RAD50: variants seen among roughly 807,000 people sequenced by gnomAD.
RAD50 encodes DNA repair protein RAD50.
Under a neutral mutation model 168.8 loss-of-function variants are expected in RAD50, and 132 were observed. That is an observed-to-expected ratio of 0.78 (90% CI 0.68 to 0.90). RAD50 has a LOEUF of 0.90. Among genes scored for constraint, RAD50 ranks in the 40% least tolerant of loss-of-function variants. RAD50 has a pLI of 0.00. For missense variants in RAD50, 1,347 were observed against 1,534.4 expected, an observed-to-expected ratio of 0.88 and a Z score of 2.04; for synonymous variants, 525 against 497.4, an observed-to-expected ratio of 1.06 and a Z score of -0.74.
intron 21 of RAD50, among the ~76,000 whole-genome samples, chr5:132,631,423 C>G (rs188166992): frequency 1.3e-5 from 2 of 152,054 alleles, no homozygotes; most frequent in Admixed American, 1.3e-4. Flanking sequence ...CCTGGCCTCT[C>G]ACTTTAAGAG....
At chr5:132,618,014 T>C in intron 20 of RAD50, 56 bp from the exon 21 acceptor site, 1 of 1,399,992 alleles carries the variant, frequency 7.1e-7, no homozygotes, top group Non-Finnish European at 1.0e-6. Flanking sequence ...ACTTTTCCAC[T>C]TCAGGTTGTT....
rs749596108 is a variant in RAD50 at position 132,640,623 on chromosome 5, G to A, written c.3619-49G>A. The A allele has an allele frequency of 1.9e-6, 3 of 1,613,130 alleles. No homozygotes were observed. In the African/African-American group the frequency reaches 4.0e-5, roughly 22 times the overall value. ...CATGTCAGGACTGCTTGCCTGCCAT[G>A]AGATGAGAAGGTCTGTGCTGGGCTT... On this transcript the variant is annotated intron_variant, in intron 23 of 24. Transcript: ENST00000378823.
Position 132,588,887 on chromosome 5 carries a change from A to G in RAD50, c.1245+7A>G, listed in dbSNP as rs2149841211. On this transcript the variant is annotated splice_region_variant and intron_variant, in intron 8 of 24. Transcript: ENST00000378823. Reference sequence around the variant, plus strand: ...AACTGCCAACCAACTGATGGCAAGTATTTTGAAATACAGTATTTGTTATTT... The same window carrying G: ...AACTGCCAACCAACTGATGGCAAGTGTTTTGAAATACAGTATTTGTTATTT... The G allele has an allele frequency of 2.5e-6, 4 of 1,603,156 alleles. No individual in the cohort carries two copies. Among genetic ancestry groups the G allele is most frequent in the Non-Finnish European group, 2.6e-6 (3 of 1,170,542 alleles).
chr5:132,619,609 C>G (rs954471536), intron 21 of RAD50, among the ~76,000 whole-genome samples: 1 of 151,946 alleles, frequency 6.6e-6, no homozygotes, highest in Admixed American at 6.6e-5. Flanking sequence ...TTTATCTCTT[C>G]TGCATTTCAA....
chr5:132,567,398 G>T (rs1750227342), intron 2 of RAD50, among the ~76,000 whole-genome samples: 1 of 152,168 alleles, frequency 6.6e-6, no homozygotes, highest in Admixed American at 6.5e-5. Context: ...TTCTACCTGG[G>T]AACACTTTGT....
chr5:132,594,442 G>A (rs938932480), intron 11 of RAD50, among the ~76,000 whole-genome samples: 1 of 152,144 alleles, frequency 6.6e-6, no homozygotes, highest in Admixed American at 6.5e-5. Flanking sequence ...GTGGATGACA[G>A]CAACAAGGAG....
In RAD50 at chr5:132,579,935, G is replaced by A. The variant is rs587780158; in HGVS notation, c.625G>A (p.Glu209Lys). The change falls in exon 5 of 25, where the codon GAA becomes AAA. Residue 209 changes from glutamate to lysine, a missense_variant. Coordinates refer to ENST00000378823, the MANE Select transcript of RAD50 (RefSeq NM_005732.4). ...QGQKVKEYQM[E>K]LKYLKQYKEK... Reference sequence around the variant, plus strand: ...TCAGAAAGTAAAAGAATATCAAATGGAACTAAAATATCTGAAGCAATATAA... The same window carrying A: ...TCAGAAAGTAAAAGAATATCAAATGAAACTAAAATATCTGAAGCAATATAA... The A allele has an allele frequency of 1.2e-6, 2 of 1,612,088 alleles. No homozygotes were observed. The highest frequency in any genetic ancestry group is 1.1e-5 in the South Asian group (1 of 91,014).
chr5:132,612,878 C>A (rs994654424), intron 19 of RAD50, among the ~76,000 whole-genome samples: 1 of 151,998 alleles, frequency 6.6e-6, no homozygotes, highest in Admixed American at 6.6e-5. Context: ...ACCAGTAAAT[C>A]AGAATCTTGG....
chr5:132,642,654 A>G lies in RAD50; in HGVS notation c.*290A>G, dbSNP rs374926679. The G allele has an allele frequency of 1.2e-5, 6 of 482,174 alleles. No homozygotes were observed. Among genetic ancestry groups the G allele is most frequent in the African/African-American group, 1.2e-4 (6 of 52,122 alleles). 29.9% of individuals were successfully genotyped at this position (482,174 alleles called of 1,614,324 possible). A position where few individuals can be genotyped will look rare whatever the true frequency, so the allele number is the denominator to read the frequency against. ...GACTCGACTCTGTGCCTCCCTCCCC[A>G]GTGCAAATGCATGCTTCTTCTCAAA... On this transcript the variant is annotated 3_prime_UTR_variant, in exon 25 of 25. Coordinates refer to ENST00000378823, the MANE Select transcript of RAD50 (RefSeq NM_005732.4).
At chr5:132,623,104 A>C (rs1751311323) in intron 21 of RAD50, among the ~76,000 whole-genome samples, 1 of 152,134 alleles carries the variant, frequency 6.6e-6, no homozygotes, top group Non-Finnish European at 1.5e-5. Context: ...GTCACTTCTA[A>C]TCTTCTTCCT....
intron 5 of RAD50, among the ~76,000 whole-genome samples, chr5:132,585,050 T>C (rs1580990490): frequency 1.3e-5 from 2 of 152,090 alleles, no homozygotes; most frequent in Non-Finnish European, 2.9e-5. Context: ...TATACATATG[T>C]AACAAACCTG....
rs895498022 is a variant in RAD50, at chr5:132,579,242, T to C, written c.366-75T>C. 1.2e-5 allele frequency: 18 copies of C among 1,442,886 alleles called. 1 individual carries two copies. The East Asian group carries it at 4.0e-4, about 32-fold the overall frequency. The allele number at this position is 1,442,886 out of a possible 1,614,324, so 89.4% of individuals were successfully genotyped here. On this transcript the variant is annotated intron_variant, in intron 3 of 24. Transcript: ENST00000378823. ...TTTTTATTCTTTTAAAGAAGTACAG[T>C]ATGAATTGATTAAGCAATAGAATAG...
rs200369930 is a variant in RAD50 at position 132,629,830 on chromosome 5, C to CATCACTAAGT, written c.3390-7282_3390-7273dup. 9.8e-4 allele frequency among the ~76,000 whole-genome samples: 149 copies of CATCACTAAGT among 152,210 alleles called. 2 individuals carry two copies. In the East Asian group the frequency reaches 0.029, roughly 29 times the overall value. ...TCTGTTATTAGTAATCATCTAAAAA[C>CATCACTAAGT]ATCACTAAGTATAAGCATTGGCAGT... On this transcript the variant is annotated intron_variant, in intron 21 of 24. Transcript: ENST00000378823.
chr5:132,638,159 G>C lies in RAD50; in HGVS notation c.3554G>C (p.Arg1185Pro), dbSNP rs747603489. ...GATAAAAGGCGGAATTATAACTACCGAGTGGTGATGCTGAAGGGAGACACA... is the reference window on the plus strand; with the variant it reads ...GATAAAAGGCGGAATTATAACTACCCAGTGGTGATGCTGAAGGGAGACACA... ...ASDKRRNYNY[R>P]VVMLKGDTAL... is the part of the protein sequence containing the mutation. The change falls in exon 23 of 25, where the codon CGA becomes CCA. Residue 1185 changes from arginine (R) to proline (P), a missense_variant. Arg to Pro is a moderately radical substitution (Grantham distance 103, BLOSUM62 -2). Transcript: ENST00000378823. 1.2e-6 allele frequency: 2 copies of C among 1,614,142 alleles called. No homozygotes were observed. Among genetic ancestry groups the C allele is most frequent in the Non-Finnish European group, 1.7e-6 (2 of 1,180,008 alleles).
chr5:132,639,943 A>T (rs1751680508), intron 23 of RAD50, among the ~76,000 whole-genome samples: 1 of 152,204 alleles, frequency 6.6e-6, no homozygotes, highest in Non-Finnish European at 1.5e-5. Flanking sequence ...CTGAGGGGGA[A>T]AGGGGACTTA....
In RAD50 at chr5:132,609,273, T is replaced by C. The variant is rs751516224; in HGVS notation, c.2923-10T>C. 1.9e-5 allele frequency: 31 copies of C among 1,591,758 alleles called. No homozygotes were observed. Among genetic ancestry groups the C allele is most frequent in the African/African-American group, 3.5e-5 (2 of 57,658 alleles). On this transcript the variant is annotated splice_polypyrimidine_tract_variant and intron_variant, in intron 18 of 24. Transcript: ENST00000378823. ...TTATTCATGTGCTTAAAGAATTTTC[T>C]TTTTTGTAGCAAAAAGAAACTGAAC...
intron 2 of RAD50, among the ~76,000 whole-genome samples, chr5:132,570,755 G>A (rs536208831): frequency 6.6e-6 from 1 of 152,254 alleles, no homozygotes; most frequent in Non-Finnish European, 1.5e-5. Context: ...TATCATTTGT[G>A]TGTTCACTAA....
In RAD50 at chr5:132,611,092, G is replaced by A. The variant is rs1751076890; in HGVS notation, c.3036+1696G>A. Among the ~76,000 whole-genome samples, 10 of 152,264 alleles carry A rather than the reference G, an allele frequency of 6.6e-5. No individual in the cohort carries two copies. The South Asian group carries it at 2.1e-3, about 32-fold the overall frequency. ...GATATGCTTGCTGAAGATTCTAGTA[G>A]TCAAATAAAGAGAGGAGGCCAGGCG... On this transcript the variant is annotated intron_variant, in intron 19 of 24. Coordinates refer to ENST00000378823, the MANE Select transcript of RAD50 (RefSeq NM_005732.4).
At chr5:132,579,535 T>C in intron 4 of RAD50, 33 bp downstream of exon 4, 1 of 1,583,464 alleles carries the variant, frequency 6.3e-7, no homozygotes. Flanking sequence ...TTGTAGTCCA[T>C]TAAGTTATTG....
Sources: gnomAD v4.1 joint callset for allele counts (sites outside exome capture counted in the v4.1 genomes callset) on GRCh38, gnomAD v4.1.1 for gene constraint, MANE v1.5 for transcripts, NCBI Gene and HGNC (gene_info 2026-07-23, HGNC 2026-07-21) for gene names.